The following SPOPL variants were observed in gnomAD, a reference collection of about 807,000 sequenced individuals.
SPOPL encodes the protein speckle type BTB/POZ protein like.
In SPOPL, 23 loss-of-function variants were observed where a neutral mutation model predicts 53.8. The ratio of observed to expected loss-of-function variants is 0.43; its 90% CI spans 0.31 to 0.61. SPOPL has a LOEUF of 0.61. SPOPL is among the 20% of genes least tolerant of loss of function. The probability of loss-of-function intolerance (pLI) is 0.12; values close to 1 mark genes in which losing one functional copy is unlikely to be tolerated. For synonymous variants in SPOPL, 164 were observed against 149.7 expected (o/e 1.10, Z -0.70); for missense variants, 442 against 466.9 (o/e 0.95, Z 0.49).
At chr2:138,530,042 A>G (rs1313566545) in intron 1 of SPOPL, among the ~76,000 whole-genome samples, 1 of 152,076 alleles carries the variant, frequency 6.6e-6, no homozygotes, top group Non-Finnish European at 1.5e-5. Context: ...TCCATCTTTT[A>G]GCTGCCACTT....
intron 5 of SPOPL, among the ~76,000 whole-genome samples, chr2:138,553,347 A>C (rs1685355294): frequency 6.6e-6 from 1 of 152,128 alleles, no homozygotes; most frequent in Non-Finnish European, 1.5e-5. Context: ...TTTTATCTAT[A>C]TGAATTTTTG....
intron 1 of SPOPL, among the ~76,000 whole-genome samples, chr2:138,542,717 A>G (rs1312704240): frequency 6.6e-6 from 1 of 151,956 alleles, no homozygotes; most frequent in African/African-American, 2.4e-5. Context: ...TTTTAATTGG[A>G]GCATTTAGCC....
At chr2:138,523,086 G>A (rs774888881) in intron 1 of SPOPL, among the ~76,000 whole-genome samples, 14 of 152,140 alleles carry the variant, frequency 9.2e-5, no homozygotes, top group East Asian at 7.7e-4. Flanking sequence ...ATATTAGTCC[G>A]TTTTCACACT....
Position 138,570,701 on chromosome 2 carries a change from G to T in SPOPL, c.*1621G>T, listed in dbSNP as rs561548728. 2.0e-5 allele frequency: 3 copies of T among 152,136 alleles called. No homozygotes were observed. Among genetic ancestry groups the T allele is most frequent in the African/African-American group, 7.2e-5 (3 of 41,518 alleles). 9.4% of individuals were successfully genotyped at this position (152,136 alleles called of 1,614,324 possible). On this transcript the variant is annotated 3_prime_UTR_variant, in exon 11 of 11. Transcript: ENST00000280098. ...TTTGTTTATTTAATGTTTGAATTCAGGACAAAAGAAAAAATGAAGCTTGAG... is the reference window on the plus strand; with the variant it reads ...TTTGTTTATTTAATGTTTGAATTCATGACAAAAGAAAAAATGAAGCTTGAG...
At chr2:138,542,184 T>C (rs1282597283) in intron 1 of SPOPL, among the ~76,000 whole-genome samples, 2 of 152,192 alleles carry the variant, frequency 1.3e-5, no homozygotes, top group Non-Finnish European at 2.9e-5. Flanking sequence ...ATAAATGTGG[T>C]GTGCTGCTGA....
chr2:138,536,021 T>G (rs998585989), intron 1 of SPOPL, among the ~76,000 whole-genome samples: 10 of 152,334 alleles, frequency 6.6e-5, no homozygotes, highest in African/African-American at 9.6e-5. Context: ...TTTATTTTTT[T>G]TGTGTGACAT....
In SPOPL at chr2:138,525,878, A is replaced by C. The variant is rs560495240; in HGVS notation, c.-61+23759A>C. On this transcript the variant is annotated intron_variant, in intron 1 of 10. Transcript: ENST00000280098. ...TTGTAATTGTATCAATTTTTGCATT[A>C]CATGAGAGAGTAGAGACAATAGGGT... 2.0e-5 allele frequency among the ~76,000 whole-genome samples: 3 copies of C among 151,430 alleles called. No individual in the cohort carries two copies. The East Asian group carries it at 5.8e-4, about 29-fold the overall frequency.
rs1685290475 is a variant in SPOPL at position 138,550,507 on chromosome 2, A to C, written c.103A>C (p.Met35Leu). Residue 35 changes from methionine (M) to leucine (L), a missense_variant, in exon 3 of 11, where the codon ATG becomes CTG. By Grantham distance (15) the Met-to-Leu change is conservative (BLOSUM62 2). Transcript: ENST00000280098. ...TQVKVVKFSYMWTINNFSFCR... is the reference protein window; with the variant it reads ...TQVKVVKFSYLWTINNFSFCR... ...GGTTAAAGTAGTAAAATTTTCCTAT[A>C]TGTGGACCATTAATAACTTCAGTTT... 6.2e-7 allele frequency: 1 copy of C among 1,611,082 alleles called. No homozygotes were observed. The highest frequency in any genetic ancestry group is 8.5e-7 in the Non-Finnish European group (1 of 1,178,004).
intron 1 of SPOPL, among the ~76,000 whole-genome samples, chr2:138,523,022 T>G (rs1045423303): frequency 6.6e-6 from 1 of 152,200 alleles, no homozygotes; most frequent in African/African-American, 2.4e-5. Flanking sequence ...ACCACAGCCA[T>G]GCACATAAAC....
chr2:138,563,628 T>C (rs960030246), intron 8 of SPOPL, among the ~76,000 whole-genome samples: 46 of 152,222 alleles, frequency 3.0e-4, no homozygotes, highest in African/African-American at 4.8e-5. Context: ...AGAATTCTCA[T>C]GTTAAAGACA....
intron 1 of SPOPL, among the ~76,000 whole-genome samples, chr2:138,505,980 C>T (rs976955554): frequency 1.3e-5 from 2 of 152,070 alleles, no homozygotes; most frequent in Admixed American, 1.3e-4. Flanking sequence ...AACTTCAGCA[C>T]GTGAGGTTGG....
chr2:138,525,645 TA>T (rs1165148134), intron 1 of SPOPL, among the ~76,000 whole-genome samples: 1 of 51,684 alleles, frequency 1.9e-5, no homozygotes, highest in Non-Finnish European at 4.0e-5. Flanking sequence ...CCTGCATCAG[TA>T]TAAAAAGTAG....
rs140397999 is a variant in SPOPL, at chr2:138,560,981, AG to A, written c.837+55del. 1.9e-3 allele frequency: 2,946 copies of A among 1,567,150 alleles called. 57 individuals carry two copies. In the African/African-American group the frequency reaches 0.037, roughly 19 times the overall value. Reference sequence around the variant, plus strand: ...ATATACCCTCAAGCTTGATTTATATAGAAAGCTGTCATCAAATGAAAACTCC... The same window carrying A: ...ATATACCCTCAAGCTTGATTTATATAAAAGCTGTCATCAAATGAAAACTCC... On this transcript the variant is annotated intron_variant, in intron 8 of 10. Transcript: ENST00000280098.
chr2:138,568,147 C>A (rs934933435), intron 10 of SPOPL, among the ~76,000 whole-genome samples: 2 of 152,108 alleles, frequency 1.3e-5, no homozygotes, highest in Non-Finnish European at 2.9e-5. Flanking sequence ...TTAAGAGGAG[C>A]AGGAAACTAG....
In SPOPL at chr2:138,573,290, A is replaced by G. The variant is rs1047061598; in HGVS notation, c.*4210A>G. 6.6e-6 allele frequency: 1 copy of G among 152,174 alleles called. No homozygotes were observed. The highest frequency in any genetic ancestry group is 1.5e-5 in the Non-Finnish European group (1 of 68,022). The allele number at this position is 152,174 out of a possible 1,614,324, so 9.4% of individuals were successfully genotyped here. A position where few individuals can be genotyped will look rare whatever the true frequency, so the allele number is the denominator to read the frequency against. On this transcript the variant is annotated 3_prime_UTR_variant, in exon 11 of 11. Transcript: ENST00000280098. ...ACATACTCTTCTTTTTCAGGTTGGT[A>G]TGATGCTTTGCAAAAGAGCCATGTA...
intron 1 of SPOPL, among the ~76,000 whole-genome samples, chr2:138,548,791 G>C (rs59355341): frequency 6.6e-6 from 1 of 152,058 alleles, no homozygotes; most frequent in Non-Finnish European, 1.5e-5. Context: ...ACTGGCAAAA[G>C]TATTGACCAG....
chr2:138,547,955 C>A (rs1371775570), intron 1 of SPOPL, among the ~76,000 whole-genome samples: 1 of 152,054 alleles, frequency 6.6e-6, no homozygotes, highest in African/African-American at 2.4e-5. Context: ...TGCACATTTT[C>A]CATGTATTAA....
At chr2:138,529,539 CGT>C (rs1386055289) in intron 1 of SPOPL, among the ~76,000 whole-genome samples, 220 of 131,904 alleles carry the variant, frequency 1.7e-3, no homozygotes, top group Non-Finnish European at 2.6e-3. Context: ...TGTGTGTTTG[CGT>C]GCGCGCGCGC....
chr2:138,517,493 C>G (rs1046685112), intron 1 of SPOPL, among the ~76,000 whole-genome samples: 7 of 152,132 alleles, frequency 4.6e-5, no homozygotes, highest in Admixed American at 6.5e-5. Flanking sequence ...GTAATCCCAG[C>G]AGTTTGGGAG....
Sources: gnomAD v4.1 joint callset for allele counts (sites outside exome capture counted in the v4.1 genomes callset) on GRCh38, gnomAD v4.1.1 for gene constraint, MANE v1.5 for transcripts, NCBI Gene and HGNC (gene_info 2026-07-23, HGNC 2026-07-21) for gene names.